Variants in DEFB109B observed in about 807,000 individuals in gnomAD.
DEFB109B encodes defensin beta 109B.
At chr8:7,312,787 T>C (rs1403481999), upstream of DEFB109B, 9 of 120,214 alleles carry the variant, frequency 7.5e-5, no homozygotes, top group African/African-American at 3.1e-4. Flanking sequence ...TAAAAAGGCC[T>C]AGACCCACGA....
upstream of DEFB109B, among the ~76,000 whole-genome samples, chr8:7,312,351 A>G (rs530494257): frequency 1.4e-5 from 2 of 138,558 alleles, no homozygotes; most frequent in South Asian, 4.2e-4. Context: ...TGACAACAAC[A>G]ACAACCACAA....
rs552685062 is a variant in DEFB109B at position 7,319,653 on chromosome 8, G to A, written n.59-93G>A. 4.8e-5 allele frequency: 7 copies of A among 145,562 alleles called. 1 individual carries two copies. Among genetic ancestry groups the A allele is most frequent in the African/African-American group, 1.8e-4 (6 of 34,196 alleles). 9.0% of individuals were successfully genotyped at this position (145,562 alleles called of 1,614,324 possible). ...ATGTCAAGAGCTCCCACATAAAAAC[G>A]TTCATACTAAATTTATTCTGTTACT... On this transcript the variant is annotated intron_variant and non_coding_transcript_variant, in intron 1 of 1. Transcript: ENST00000382656.
At chr8:7,315,682 C>A (rs1802873409) in intron 1 of DEFB109B, among the ~76,000 whole-genome samples, 2 of 133,966 alleles carry the variant, frequency 1.5e-5, no homozygotes, top group Admixed American at 7.0e-5. Context: ...CTTCTTATCT[C>A]CATCAAGGGC....
In DEFB109B at chr8:7,313,613, C is replaced by T. The variant is rs1450483030; in HGVS notation, n.58+710C>T. Among the ~76,000 whole-genome samples, 7 of 144,750 alleles carry T rather than the reference C, an allele frequency of 4.8e-5. No homozygotes were observed. In the East Asian group the frequency reaches 1.2e-3, roughly 24 times the overall value. The allele number at this position is 144,750 out of a possible 152,430, so 95.0% of individuals were successfully genotyped here. ...CTGCTCAAGGTATATTACAGGTAAC[C>T]ACACAGAAATGGGTAACATAACTTT... On this transcript the variant is annotated intron_variant and non_coding_transcript_variant, in intron 1 of 1. Transcript: ENST00000382656.
chr8:7,319,235 C>T (rs866063342), intron 1 of DEFB109B: 2 of 75,064 alleles, frequency 2.7e-5, no homozygotes, highest in East Asian at 6.7e-4. Context: ...GTGAAGCCAA[C>T]AAAAAAAAAA....
chr8:7,315,704 GCTTCTGCTGCTGCAACT>G (rs1802875578), intron 1 of DEFB109B, among the ~76,000 whole-genome samples: 1 of 137,016 alleles, frequency 7.3e-6, no homozygotes, highest in Non-Finnish European at 1.5e-5. Flanking sequence ...GCTTCCTCCT[GCTTCTGCTGCTGCAACT>G]CAGGTACACA....
Position 7,318,912 on chromosome 8 carries a change from C to T in DEFB109B, n.59-834C>T, listed in dbSNP as rs547163369. ...AAATTGAAAGAATCATTTATAATGTCAAAAACACTTTTTTCTAACTAATCT... is the reference window on the plus strand; with the variant it reads ...AAATTGAAAGAATCATTTATAATGTTAAAAACACTTTTTTCTAACTAATCT... On this transcript the variant is annotated intron_variant and non_coding_transcript_variant, in intron 1 of 1. Transcript: ENST00000382656. 62 of 146,112 alleles carry T rather than the reference C, an allele frequency of 4.2e-4. 1 individual carries two copies. In the East Asian group the frequency reaches 0.011, roughly 26 times the overall value. 9.1% of individuals were successfully genotyped at this position (146,112 alleles called of 1,614,324 possible).
At position 7,313,714 on chromosome 8, in the gene DEFB109B, A is replaced by C. The variant is rs1390270915; in HGVS notation, n.58+811A>C. Among the ~76,000 whole-genome samples the C allele has an allele frequency of 2.8e-5, 4 of 143,612 alleles. No individual in the cohort carries two copies. The East Asian group carries it at 7.7e-4, about 28-fold the overall frequency. 94.2% of individuals were successfully genotyped at this position (143,612 alleles called of 152,430 possible). On this transcript the variant is annotated intron_variant and non_coding_transcript_variant, in intron 1 of 1. Coordinates refer to ENST00000382656, the Ensembl canonical transcript of DEFB109B. Reference sequence around the variant, plus strand: ...TTTTGGAAAAAAAAAACAGCATAATAAACCTAAAGAAGATAAAGGGAAAAT... The same window carrying C: ...TTTTGGAAAAAAAAAACAGCATAATCAACCTAAAGAAGATAAAGGGAAAAT...
At chr8:7,311,942 G>A (rs1802629960), upstream of DEFB109B, among the ~76,000 whole-genome samples, 1 of 122,672 alleles carries the variant, frequency 8.2e-6, no homozygotes, top group Non-Finnish European at 1.5e-5. Flanking sequence ...AAGCTCTTTT[G>A]TGATTTCATT....
chr8:7,316,853 T>C (rs1802975138), intron 1 of DEFB109B, among the ~76,000 whole-genome samples: 1 of 129,974 alleles, frequency 7.7e-6, no homozygotes. Context: ...ATCTTGGGCA[T>C]GCTGTTCTTG....
chr8:7,312,394 G>A (rs1243116686), upstream of DEFB109B, among the ~76,000 whole-genome samples: 7 of 137,752 alleles, frequency 5.1e-5, no homozygotes, highest in Non-Finnish European at 1.0e-4. Context: ...GGAGGTGATG[G>A]ATATATTATT....
intron 1 of DEFB109B, chr8:7,319,350 G>C (rs1011467272): frequency 6.9e-6 from 1 of 145,538 alleles, no homozygotes; most frequent in Non-Finnish European, 1.5e-5. Context: ...ATCTTTTTTG[G>C]CTAGAAACAA....
chr8:7,311,883 G>C (rs1802627206), upstream of DEFB109B, among the ~76,000 whole-genome samples: 1 of 84,996 alleles, frequency 1.2e-5, no homozygotes, highest in Non-Finnish European at 2.0e-5. Context: ...AAAACCCCTA[G>C]TGTAACTTGA....
upstream of DEFB109B, among the ~76,000 whole-genome samples, chr8:7,312,052 C>T (rs1408438686): frequency 8.5e-6 from 1 of 117,216 alleles, no homozygotes; most frequent in Non-Finnish European, 1.6e-5. Context: ...TGCAATAATC[C>T]AAAATAGGTA....
upstream of DEFB109B, among the ~76,000 whole-genome samples, chr8:7,310,832 TTAAC>T (rs1802584799): frequency 7.2e-6 from 1 of 139,644 alleles, no homozygotes. Context: ...AAAAATATCT[TTAAC>T]TAAACAAAAG....
chr8:7,319,761 G>T (rs1288969194), exon 2 of DEFB109B: 1 of 145,766 alleles, frequency 6.9e-6, no homozygotes, highest in Non-Finnish European at 1.5e-5. Context: ...GGTGGTTTGG[G>T]TCCTGCGGAA....
chr8:7,311,975 T>C (rs1447688479), upstream of DEFB109B, among the ~76,000 whole-genome samples: 6 of 128,064 alleles, frequency 4.7e-5, no homozygotes, highest in Non-Finnish European at 9.0e-5. Context: ...TCAAGTTTTA[T>C]TTTACTTCAT....
In DEFB109B at chr8:7,319,735, C is replaced by A. The variant is rs911504305; in HGVS notation, n.59-11C>A. On this transcript the variant is annotated splice_polypyrimidine_tract_variant and intron_variant and non_coding_transcript_variant, in intron 1 of 1. Transcript: ENST00000382656. ...TGGACTAACTATCTCACTGGATCTT[C>A]TTTCCTTCAGTAAGAGGTGGTTTGG... 2 of 147,866 alleles carry A rather than the reference C, an allele frequency of 1.4e-5. No individual in the cohort carries two copies. The highest frequency in any genetic ancestry group is 5.6e-5 in the African/African-American group (2 of 35,840). The allele number at this position is 147,866 out of a possible 1,614,324, so 9.2% of individuals were successfully genotyped here.
chr8:7,313,306 C>G (rs1802727204), intron 1 of DEFB109B, among the ~76,000 whole-genome samples: 1 of 144,860 alleles, frequency 6.9e-6, no homozygotes, highest in African/African-American at 2.9e-5. Context: ...TCGGTGGCAT[C>G]TATTATTATA....
Sources: allele counts gnomAD v4.1 joint callset (sites outside exome capture counted in the v4.1 genomes callset), GRCh38; gene constraint gnomAD v4.1.1; transcripts MANE v1.5; gene names NCBI Gene and HGNC (gene_info 2026-07-23, HGNC 2026-07-21).